The following TDRD15 variants were observed in gnomAD, a reference collection of about 807,000 sequenced individuals.
TDRD15 encodes the protein tudor domain containing 15.
For missense variants in TDRD15, 1,416 were observed against 904.7 expected, an observed-to-expected ratio of 1.57 and a Z score of -7.25; for synonymous variants, 503 against 314.5, an observed-to-expected ratio of 1.60 and a Z score of -6.34.
In TDRD15 at chr2:21,139,421, G is replaced by A. The variant is rs1318187293; in HGVS notation, c.1954G>A (p.Val652Ile). ...QSVEASENID[V>I]ISLMLQAGYA... ...TGTTGAAGCCTCAGAAAATATTGAT[G>A]TTATCTCTCTTATGTTACAAGCTGG... The change falls in exon 4 of 4, where the codon GTT becomes ATT. Residue 652 changes from valine to isoleucine, a missense_variant. Transcript: ENST00000405799. The A allele has an allele frequency of 2.8e-6, 2 of 712,448 alleles. No individual in the cohort carries two copies. Among genetic ancestry groups the A allele is most frequent in the Admixed American group, 2.0e-5 (1 of 49,186 alleles). The allele number at this position is 712,448 out of a possible 1,614,324, so 44.1% of individuals were successfully genotyped here.
At chr2:21,131,618 G>A (rs1665720179) in intron 2 of TDRD15, among the ~76,000 whole-genome samples, 1 of 152,104 alleles carries the variant, frequency 6.6e-6, no homozygotes, top group African/African-American at 2.4e-5. Context: ...TGTAGAAGCA[G>A]ATATGAGAAT....
At position 21,141,606 on chromosome 2, in the gene TDRD15, A is replaced by G. The variant is rs911845006; in HGVS notation, c.4139A>G (p.Tyr1380Cys). 2.4e-5 allele frequency: 17 copies of G among 713,880 alleles called. No individual in the cohort carries two copies. Among genetic ancestry groups the G allele is most frequent in the Non-Finnish European group, 3.9e-5 (15 of 383,248 alleles). 44.2% of individuals were successfully genotyped at this position (713,880 alleles called of 1,614,324 possible). A position where few individuals can be genotyped will look rare whatever the true frequency, so the allele number is the denominator to read the frequency against. The change falls in exon 4 of 4, where the codon TAT (tyrosine) becomes TGT (cysteine). Residue 1380 changes from tyrosine to cysteine, a missense_variant. Tyr to Cys is a radical substitution (Grantham distance 194, BLOSUM62 -2). Transcript: ENST00000405799. ...TCTTTTGAAGTAGAATTTATTGACT[A>G]TGGTAACTCTGCAATAGTAAACACA... ...GNSFEVEFID[Y>C]GNSAIVNTSK...
chr2:21,126,630 T>G (rs1457335826), intron 1 of TDRD15, among the ~76,000 whole-genome samples: 1 of 152,224 alleles, frequency 6.6e-6, no homozygotes, highest in Non-Finnish European at 1.5e-5. Context: ...CCTCCCAAAG[T>G]GCTGGGGTTA....
At chr2:21,133,009 T>C (rs572534285) in intron 2 of TDRD15, among the ~76,000 whole-genome samples, 1 of 152,278 alleles carries the variant, frequency 6.6e-6, no homozygotes, top group South Asian at 2.1e-4. Context: ...CAACTAAATG[T>C]ATTTCCAGAT....
At chr2:21,133,100 A>T (rs975450290) in intron 2 of TDRD15, among the ~76,000 whole-genome samples, 1 of 152,144 alleles carries the variant, frequency 6.6e-6, no homozygotes, top group Non-Finnish European at 1.5e-5. Flanking sequence ...TGAAGCCCTG[A>T]TTCTGAAATA....
At position 21,138,761 on chromosome 2, in the gene TDRD15, A is replaced by G; in HGVS notation, c.1294A>G (p.Asn432Asp). ...TCCGATGTCTGATTCAAAAATCTCC[A>G]ATATCTTGAGTGAGACAAGTGTGTC... ...LCPMSDSKIS[N>D]ILSETSVSDV... Residue 432 changes from asparagine to aspartate, a missense_variant, in exon 4 of 4, where the codon AAT becomes GAT. Asn to Asp is a conservative substitution (Grantham distance 23). Transcript: ENST00000405799. The G allele has an allele frequency of 1.4e-6, 1 of 715,640 alleles. No homozygotes were observed. The highest frequency in any genetic ancestry group is 2.7e-5 in the East Asian group (1 of 37,226). 44.3% of individuals were successfully genotyped at this position (715,640 alleles called of 1,614,324 possible).
At chr2:21,132,927 AG>A (rs1170572786) in intron 2 of TDRD15, among the ~76,000 whole-genome samples, 2 of 152,142 alleles carry the variant, frequency 1.3e-5, no homozygotes, top group Non-Finnish European at 2.9e-5. Context: ...TGTGCATTAT[AG>A]GATATTCAGC....
chr2:21,132,308 C>G (rs1665734379), intron 2 of TDRD15, among the ~76,000 whole-genome samples: 1 of 151,954 alleles, frequency 6.6e-6, no homozygotes, highest in African/African-American at 2.4e-5. Flanking sequence ...AAATTAGAAG[C>G]CACTGATTTT....
Position 21,138,790 on chromosome 2 carries a change from T to TGTAA in TDRD15, c.1324_1327dup (p.Asn443SerfsTer7). The TGTAA allele has an allele frequency of 1.4e-6, 1 of 714,502 alleles. No individual in the cohort carries two copies. The allele number at this position is 714,502 out of a possible 1,614,324, so 44.3% of individuals were successfully genotyped here. On this transcript the variant is annotated frameshift_variant, in exon 4 of 4. Transcript: ENST00000405799. LOFTEE classifies it low-confidence loss of function (END_TRUNC). ...TCTTGAGTGAGACAAGTGTGTCTGA[T>TGTAA]GTAAACAGCTTTGCAGTTGAGAGTT...
intron 2 of TDRD15, among the ~76,000 whole-genome samples, chr2:21,130,302 AC>A (rs1665691535): frequency 6.6e-6 from 1 of 152,142 alleles, no homozygotes; most frequent in African/African-American, 2.4e-5. Flanking sequence ...ATCTTGATAA[AC>A]TCATTGTAAA....
Position 21,140,944 on chromosome 2 carries a change from AAATGAG to A in TDRD15, c.3481_3486del (p.Glu1161_Asn1162del). 1.4e-6 allele frequency: 1 copy of A among 711,028 alleles called. No individual in the cohort carries two copies. The highest frequency in any genetic ancestry group is 2.6e-6 in the Non-Finnish European group (1 of 382,680). The allele number at this position is 711,028 out of a possible 1,614,324, so 44.0% of individuals were successfully genotyped here. ...GCTGCATGGAAAAGAGTAATAAAAT[AAATGAG>A]AATAAGAGATTTACTACTTCTTTGA... On this transcript the variant is annotated inframe_deletion, in exon 4 of 4. Transcript: ENST00000405799.
chr2:21,142,042 T>C lies in TDRD15; in HGVS notation c.4575T>C (p.Leu1525=), dbSNP rs1665945396. 1 of 701,318 alleles carries C rather than the reference T, an allele frequency of 1.4e-6. No individual in the cohort carries two copies. The highest frequency in any genetic ancestry group is 1.8e-5 in the African/African-American group (1 of 56,130). The allele number at this position is 701,318 out of a possible 1,614,324, so 43.4% of individuals were successfully genotyped here. The change falls in exon 4 of 4, where the codon CTT becomes CTC. Residue 1525 remains leucine (L), a synonymous_variant. Coordinates refer to ENST00000405799, the MANE Select transcript of TDRD15 (RefSeq NM_001306137.2). The stretch of plus-strand genomic sequence containing the variant: ...AAATTCCTTTGGAAGAATTCAAACT[T>C]GGACAACTTGAAAAAGCTGAAATGC... ...LFKIPLEEFK[L]GQLEKAEMLN...
rs1423741422 is a variant in TDRD15, at chr2:21,140,242, T to G, written c.2775T>G (p.Ser925Arg). Residue 925 changes from serine (S) to arginine (R), a missense_variant, in exon 4 of 4, where the codon AGT (serine) becomes AGG (arginine). Physicochemically the swap from Ser to Arg is moderately radical, Grantham distance 110 (BLOSUM62 -1). Transcript: ENST00000405799. ...TGGATTTACAGTCCTCATTTACTAG[T>G]GCAAAAGAATTTCTTATGAATCGTG... is the stretch of plus-strand genomic sequence containing the variant. ...NLVDLQSSFT[S>R]AKEFLMNRGS... is the part of the protein sequence containing the mutation. The G allele has an allele frequency of 2.8e-6, 2 of 715,478 alleles. No homozygotes were observed. Among genetic ancestry groups the G allele is most frequent in the South Asian group, 3.0e-5 (2 of 67,550 alleles). The allele number at this position is 715,478 out of a possible 1,614,324, so 44.3% of individuals were successfully genotyped here.
In TDRD15 at chr2:21,142,568, C is replaced by T; in HGVS notation, c.5101C>T (p.Leu1701Phe). ...TACAGTTCCTGTTGAAGAAAACAAA[C>T]TTAGACTTGCAGAAATTGTTTACAA... Reference protein sequence around the residue: ...LNTVPVEENKLRLAEIVYNIE... With the variant: ...LNTVPVEENKFRLAEIVYNIE... Residue 1701 changes from leucine (L) to phenylalanine (F), a missense_variant, in exon 4 of 4, where the codon CTT (leucine) becomes TTT (phenylalanine). Coordinates refer to ENST00000405799, the MANE Select transcript of TDRD15 (RefSeq NM_001306137.2). The T allele has an allele frequency of 1.4e-6, 1 of 709,260 alleles. No individual in the cohort carries two copies. Among genetic ancestry groups the T allele is most frequent in the Non-Finnish European group, 2.6e-6 (1 of 382,174 alleles). 43.9% of individuals were successfully genotyped at this position (709,260 alleles called of 1,614,324 possible).
At position 21,142,338 on chromosome 2, in the gene TDRD15, A is replaced by G. The variant is rs1416399572; in HGVS notation, c.4871A>G (p.Lys1624Arg). 1.5e-6 allele frequency: 1 copy of G among 688,678 alleles called. No individual in the cohort carries two copies. The highest frequency in any genetic ancestry group is 2.7e-6 in the Non-Finnish European group (1 of 375,484). 42.7% of individuals were successfully genotyped at this position (688,678 alleles called of 1,614,324 possible). A position where few individuals can be genotyped will look rare whatever the true frequency, so the allele number is the denominator to read the frequency against. ...GAAATAGTACCTGTATGTAATACCA[A>G]GCTGCTTAGTAATGAAATAAGAAAC... The part of the protein sequence containing the change: ...IYEIVPVCNT[K>R]LLSNEIRNIP... The change falls in exon 4 of 4, where the codon AAG becomes AGG. Residue 1624 changes from lysine (K) to arginine (R), a missense_variant. Coordinates refer to ENST00000405799, the MANE Select transcript of TDRD15 (RefSeq NM_001306137.2).
At chr2:21,133,440 T>C (rs1665755489) in intron 2 of TDRD15, among the ~76,000 whole-genome samples, 1 of 152,144 alleles carries the variant, frequency 6.6e-6, no homozygotes, top group Non-Finnish European at 1.5e-5. Flanking sequence ...TTATGTACTT[T>C]AGTTGAAACA....
intron 1 of TDRD15, among the ~76,000 whole-genome samples, chr2:21,125,367 G>GGT: frequency 6.7e-6 from 1 of 149,190 alleles, no homozygotes; most frequent in Admixed American, 6.7e-5. Context: ...TCTAAGCTAG[G>GGT]GTGTGTGTGA....
Position 21,141,767 on chromosome 2 carries a change from G to A in TDRD15, c.4300G>A (p.Val1434Ile), listed in dbSNP as rs1044470913. 2.8e-6 allele frequency: 2 copies of A among 714,820 alleles called. No homozygotes were observed. The highest frequency in any genetic ancestry group is 5.2e-6 in the Non-Finnish European group (2 of 383,472). The allele number at this position is 714,820 out of a possible 1,614,324, so 44.3% of individuals were successfully genotyped here. ...AACTGTGGATTATTTTACTTCGAAA[G>A]TACATAACAAAACAGTTTATTGTGA... ...DKTVDYFTSK[V>I]HNKTVYCEFL... Residue 1434 changes from valine to isoleucine, a missense_variant, in exon 4 of 4, where the codon GTA becomes ATA. Coordinates refer to ENST00000405799, the MANE Select transcript of TDRD15 (RefSeq NM_001306137.2).
At position 21,142,782 on chromosome 2, in the gene TDRD15, C is replaced by T. The variant is rs1665961996; in HGVS notation, c.5315C>T (p.Thr1772Ile). The change falls in exon 4 of 4, where the codon ACC becomes ATC. Residue 1772 changes from threonine to isoleucine, a missense_variant. Coordinates refer to ENST00000405799, the MANE Select transcript of TDRD15 (RefSeq NM_001306137.2). Reference protein sequence around the residue: ...LFMLLSDLPETLQTLPQEFII... With the variant: ...LFMLLSDLPEILQTLPQEFII... ...ATGTTGCTTTCTGATCTACCAGAGA[C>T]CTTACAAACATTGCCTCAGGAGTTC... The T allele has an allele frequency of 5.6e-6, 4 of 714,922 alleles. No homozygotes were observed. The highest frequency in any genetic ancestry group is 1.0e-5 in the Non-Finnish European group (4 of 383,538). 44.3% of individuals were successfully genotyped at this position (714,922 alleles called of 1,614,324 possible). A position where few individuals can be genotyped will look rare whatever the true frequency, so the allele number is the denominator to read the frequency against.
Sources: allele counts gnomAD v4.1 joint callset (sites outside exome capture counted in the v4.1 genomes callset), GRCh38; gene constraint gnomAD v4.1.1; transcripts MANE v1.5; gene names NCBI Gene and HGNC (gene_info 2026-07-23, HGNC 2026-07-21).